Variants in GART observed in about 807,000 individuals in gnomAD.
GART encodes the protein trifunctional purine biosynthetic protein adenosine-3.
A neutral mutation model predicts 107.2 loss-of-function variants in GART; 43 were observed. The observed-to-expected ratio is 0.40, with a 90% CI of 0.31 to 0.52. The LOEUF is 0.52. Ranked by LOEUF, GART falls within the 20% of genes least tolerant of loss-of-function variation. The pLI, the probability that GART is intolerant of heterozygous loss-of-function variation, is 0.52. For synonymous variants in GART, 434 were observed against 427.0 expected (o/e 1.02, Z -0.20); for missense variants, 1,107 against 1,206.5 (o/e 0.92, Z 1.22).
chr21:33,524,792 G>A lies in GART; in HGVS notation c.1275C>T (p.Ala425=), dbSNP rs761617549. ...ACCTGGGCTGCTGGAGGAAAGCTAT[G>A]GCACGAAAGCCGACGTCTTTCCTAT... ...AIYRKDVGFR[A]IAFLQQPRSL... The change falls in exon 11 of 22, where the codon GCC becomes GCT. Residue 425 remains alanine (A), a synonymous_variant. Coordinates refer to ENST00000381815, the MANE Select transcript of GART (RefSeq NM_000819.5). 6.2e-7 allele frequency: 1 copy of A among 1,614,238 alleles called. No individual in the cohort carries two copies. Among genetic ancestry groups the A allele is most frequent in the East Asian group, 2.2e-5 (1 of 44,884 alleles).
At position 33,525,009 on chromosome 21, in the gene GART, G is replaced by C. The variant is rs2085044849; in HGVS notation, c.1067-9C>G. Reference sequence around the variant, plus strand: ...TTGAGCCTCAGGAAACCCTAGAAGAGAGCATATTTGACATATGATTTCAAA... The same window carrying C: ...TTGAGCCTCAGGAAACCCTAGAAGACAGCATATTTGACATATGATTTCAAA... On this transcript the variant is annotated splice_polypyrimidine_tract_variant and intron_variant, in intron 10 of 21. Transcript: ENST00000381815. The C allele has an allele frequency of 6.2e-7, 1 of 1,607,590 alleles. No homozygotes were observed. Among genetic ancestry groups the C allele is most frequent in the African/African-American group, 1.3e-5 (1 of 74,580 alleles).
rs1256445528 is a variant in GART at position 33,531,543 on chromosome 21, C to G, written c.543G>C (p.Gly181=). 6.2e-7 allele frequency: 1 copy of G among 1,611,900 alleles called. No homozygotes were observed. The highest frequency in any genetic ancestry group is 1.3e-5 in the African/African-American group (1 of 74,786). ...VQEIMQEKAF[G]AAGETIVIEE... is the part of the protein sequence containing the mutation. Reference sequence around the variant, plus strand: ...CAATGACAATTGTTTCTCCAGCTGCCCCAAAGGCTTTCTCCTGATTGTAAG... The same window carrying G: ...CAATGACAATTGTTTCTCCAGCTGCGCCAAAGGCTTTCTCCTGATTGTAAG... Residue 181 remains glycine (G), a synonymous_variant, in exon 6 of 22, where the codon GGG becomes GGC. Transcript: ENST00000381815.
chr21:33,532,734 G>A (rs2085216909), intron 4 of GART, among the ~76,000 whole-genome samples: 1 of 152,088 alleles, frequency 6.6e-6, no homozygotes, highest in Admixed American at 6.6e-5. Context: ...TAGATGTATA[G>A]AGTAGATATG....
chr21:33,513,168 C>A (rs977941749), intron 16 of GART, among the ~76,000 whole-genome samples: 1 of 150,294 alleles, frequency 6.7e-6, no homozygotes, highest in Non-Finnish European at 1.5e-5. Flanking sequence ...TTTCATCATG[C>A]TGGCCAGGCT....
intron 16 of GART, 113 bp downstream of exon 16, chr21:33,516,876 T>G: frequency 1.1e-6 from 1 of 910,406 alleles, no homozygotes; most frequent in African/African-American, 1.7e-5. Flanking sequence ...CCCCCAATGA[T>G]TAAGAATTTT....
intron 4 of GART, among the ~76,000 whole-genome samples, chr21:33,533,619 G>A (rs1033865460): frequency 4.0e-5 from 6 of 151,318 alleles, no homozygotes; most frequent in African/African-American, 4.8e-5. Flanking sequence ...CAATCTGACC[G>A]TGAGGCCTAG....
In GART at chr21:33,504,156, T is replaced by C. The variant is rs2084638786; in HGVS notation, c.3001A>G (p.Asn1001Asp). The part of the protein sequence containing the change: ...VASGTVQLGE[N>D]GKICWVKEE The stretch of plus-strand genomic sequence containing the variant: ...TCTTTAACCCAACAGATCTTGCCAT[T>C]TTCTCCAAGCTGTACAGTTCCACTG... Residue 1001 changes from asparagine to aspartate, a missense_variant, in exon 22 of 22, where the codon AAT becomes GAT. Transcript: ENST00000381815. The C allele has an allele frequency of 1.2e-6, 2 of 1,613,448 alleles. No individual in the cohort carries two copies. The highest frequency in any genetic ancestry group is 2.7e-5 in the African/African-American group (2 of 74,894).
At chr21:33,536,622 TTAAC>T (rs1228994293) in intron 2 of GART, among the ~76,000 whole-genome samples, 2 of 152,098 alleles carry the variant, frequency 1.3e-5, no homozygotes, top group African/African-American at 4.8e-5. Context: ...CAGTAAGAGA[TTAAC>T]TATCACTAAT....
intron 16 of GART, among the ~76,000 whole-genome samples, chr21:33,515,077 G>A (rs1434099184): frequency 1.3e-5 from 2 of 152,072 alleles, no homozygotes; most frequent in African/African-American, 4.8e-5. Flanking sequence ...TTGCTTCAAA[G>A]CTATATACAT....
chr21:33,542,231 T>G (rs1196044721), upstream of GART: 2 of 152,266 alleles, frequency 1.3e-5, no homozygotes, highest in African/African-American at 4.8e-5. Flanking sequence ...GAATCTAGTC[T>G]GATTCCCTCC....
At chr21:33,515,995 C>CCCAAAG (rs1361253384) in intron 16 of GART, among the ~76,000 whole-genome samples, 1 of 152,088 alleles carries the variant, frequency 6.6e-6, no homozygotes, top group African/African-American at 2.4e-5. Flanking sequence ...TGCCTGTAAT[C>CCCAAAG]CCAGTACTTT....
rs573841777 is a variant in GART, at chr21:33,530,164, C to G, written c.723+595G>C. ...CCAAGATCGTGCCACTGCACCCCAG[C>G]CTGGTAACAGAGCGAGACTCCGTCT... is the stretch of plus-strand genomic sequence containing the variant. On this transcript the variant is annotated intron_variant, in intron 7 of 21. Coordinates refer to ENST00000381815, the MANE Select transcript of GART (RefSeq NM_000819.5). 3.9e-5 allele frequency among the ~76,000 whole-genome samples: 6 copies of G among 152,290 alleles called. No individual in the cohort carries two copies. The East Asian group carries it at 1.2e-3, about 29-fold the overall frequency.
chr21:33,508,990 A>C (rs1247442443), intron 18 of GART, among the ~76,000 whole-genome samples: 1 of 152,192 alleles, frequency 6.6e-6, no homozygotes, highest in Admixed American at 6.5e-5. Context: ...GCTGCATCTT[A>C]CAATAGCTTC....
intron 14 of GART, among the ~76,000 whole-genome samples, chr21:33,519,764 G>A (rs1192707991): frequency 2.0e-5 from 3 of 151,520 alleles, no homozygotes; most frequent in Non-Finnish European, 4.4e-5. Flanking sequence ...GGAGGTCAAG[G>A]CTGCAGTGAG....
At chr21:33,535,167 T>C (rs2085279649) in intron 3 of GART, 58 bp downstream of exon 3, 4 of 1,034,674 alleles carry the variant, frequency 3.9e-6, no homozygotes, top group Non-Finnish European at 5.6e-6. Flanking sequence ...GATTAGATGA[T>C]CCCTAAGCTT....
chr21:33,525,869 CTTTTT>C (rs35893472), intron 10 of GART, among the ~76,000 whole-genome samples: 1 of 135,022 alleles, frequency 7.4e-6, no homozygotes, highest in Non-Finnish European at 1.6e-5. Context: ...AGGGAACTTC[CTTTTT>C]TTTTTTTTTT....
chr21:33,514,413 T>C (rs2084841515), intron 16 of GART, among the ~76,000 whole-genome samples: 2 of 152,210 alleles, frequency 1.3e-5, no homozygotes, highest in African/African-American at 4.8e-5. Context: ...ACTCAAACTA[T>C]AACTGCTTTC....
chr21:33,535,403 A>T (rs563576656), intron 2 of GART, 83 bp from the exon 3 acceptor site: 72 of 822,344 alleles, frequency 8.8e-5, no homozygotes, highest in Admixed American at 5.3e-4. Context: ...CACTAAAAAA[A>T]CTAAGTTCTA....
In GART at chr21:33,517,580, C is replaced by T. The variant is rs202108641; in HGVS notation, c.1731G>A (p.Met577Ile). Residue 577 changes from methionine (M) to isoleucine (I), a missense_variant, in exon 15 of 22, where the codon ATG becomes ATA. Transcript: ENST00000381815. ...CTAGGTCATACTCTCCAGGGGGATACATGTCAGGCATTTCTGCTGTTTCAC... is the reference window on the plus strand; with the variant it reads ...CTAGGTCATACTCTCCAGGGGGATATATGTCAGGCATTTCTGCTGTTTCAC... ...LGGETAEMPD[M>I]YPPGEYDLAG... 2.5e-6 allele frequency: 4 copies of T among 1,614,198 alleles called. No homozygotes were observed. The highest frequency in any genetic ancestry group is 3.4e-6 in the Non-Finnish European group (4 of 1,180,036).
Sources: gnomAD v4.1 joint callset for allele counts (sites outside exome capture counted in the v4.1 genomes callset) on GRCh38, gnomAD v4.1.1 for gene constraint, MANE v1.5 for transcripts, NCBI Gene and HGNC (gene_info 2026-07-23, HGNC 2026-07-21) for gene names.